Variants in DNM3 observed in about 807,000 individuals in gnomAD.
DNM3 encodes dynamin-3.
A neutral mutation model predicts 101.6 loss-of-function variants in DNM3; 47 were observed. The ratio of observed to expected loss-of-function variants is 0.46; its 90% CI spans 0.37 to 0.59. The LOEUF (loss-of-function observed/expected upper bound fraction) is 0.59, where lower values mean the gene tolerates loss of function less well. DNM3 is among the 20% of genes least tolerant of loss of function. DNM3 has a pLI of 0.00. For missense variants in DNM3, 849 were observed against 1,085.7 expected, an observed-to-expected ratio of 0.78 and a Z score of 3.06; for synonymous variants, 385 against 387.9, an observed-to-expected ratio of 0.99 and a Z score of 0.09.
downstream of DNM3, among the ~76,000 whole-genome samples, chr1:172,417,402 G>A (rs2071467398): frequency 6.6e-6 from 1 of 152,126 alleles, no homozygotes; most frequent in Non-Finnish European, 1.5e-5. Context: ...TCATCTCCCT[G>A]CTGAACACAA....
chr1:172,041,932 T>TAATC, intron 7 of DNM3, 77 bp from the exon 8 acceptor site: 1 of 1,466,198 alleles, frequency 6.8e-7, no homozygotes, highest in South Asian at 1.5e-5. Flanking sequence ...TTCTAAGGAA[T>TAATC]AATCATAGGA....
intron 1 of DNM3, among the ~76,000 whole-genome samples, chr1:171,863,343 G>A (rs2034379914): frequency 6.6e-6 from 1 of 152,036 alleles, no homozygotes; most frequent in African/African-American, 2.4e-5. Context: ...GATTTGGTGG[G>A]GAATGTAGGG....
At chr1:172,323,232 A>T in intron 16 of DNM3, 97 bp from the exon 17 acceptor site, 1 of 1,270,442 alleles carries the variant, frequency 7.9e-7, no homozygotes, top group Non-Finnish European at 1.1e-6. Flanking sequence ...TATTTTTTTT[A>T]ATATCCAGAG....
chr1:171,847,537 G>GAAA (rs11377124), intron 1 of DNM3, among the ~76,000 whole-genome samples: 2 of 150,572 alleles, frequency 1.3e-5, no homozygotes. Context: ...GAGCAGCAAG[G>GAAA]AAAAAAAAAG....
intron 14 of DNM3, chr1:172,139,147 T>C: frequency 3.2e-6 from 1 of 315,068 alleles, no homozygotes. Context: ...ATTAAAATTT[T>C]AAGGAAAAAA....
chr1:171,909,733 C>T (rs932896573), intron 1 of DNM3, among the ~76,000 whole-genome samples: 10 of 152,136 alleles, frequency 6.6e-5, no homozygotes, highest in Non-Finnish European at 1.3e-4. Context: ...ACACACTCAA[C>T]CATAGACTGT....
intron 14 of DNM3, among the ~76,000 whole-genome samples, chr1:172,236,092 T>G (rs1233614237): frequency 3.3e-5 from 5 of 152,164 alleles, no homozygotes; most frequent in Non-Finnish European, 1.5e-5. Flanking sequence ...CAATCAGTGC[T>G]CCACTCCAAA....
At chr1:172,167,309 C>T (rs1572802503) in intron 14 of DNM3, among the ~76,000 whole-genome samples, 1 of 152,008 alleles carries the variant, frequency 6.6e-6, no homozygotes, top group East Asian at 1.9e-4. Context: ...TTTCTTAATC[C>T]AGTCTATCAT....
intron 17 of DNM3, among the ~76,000 whole-genome samples, chr1:172,373,124 T>C (rs2068430819): frequency 6.6e-6 from 1 of 152,096 alleles, no homozygotes; most frequent in Admixed American, 6.6e-5. Context: ...AAAAACATAG[T>C]ACTCACTAAC....
chr1:172,126,446 T>C (rs1365916050), intron 13 of DNM3, among the ~76,000 whole-genome samples: 2 of 152,236 alleles, frequency 1.3e-5, no homozygotes, highest in East Asian at 1.9e-4. Context: ...TGTATGTCCA[T>C]TCTTTGAAAA....
intron 10 of DNM3, among the ~76,000 whole-genome samples, chr1:172,062,840 A>C (rs2051347506): frequency 6.6e-6 from 1 of 152,186 alleles, no homozygotes; most frequent in Non-Finnish European, 1.5e-5. Context: ...CTACAAATAC[A>C]TCTGTTTAAA....
chr1:171,875,400 A>G (rs1339171708), intron 1 of DNM3, among the ~76,000 whole-genome samples: 1 of 152,216 alleles, frequency 6.6e-6, no homozygotes, highest in East Asian at 1.9e-4. Flanking sequence ...TTAAAAAGCC[A>G]GTATTATTTC....
At chr1:171,920,546 C>G (rs1043509244) in intron 1 of DNM3, among the ~76,000 whole-genome samples, 3 of 152,132 alleles carry the variant, frequency 2.0e-5, no homozygotes, top group African/African-American at 7.2e-5. Context: ...GGCCTGGAAC[C>G]ACATTTTGAG....
chr1:171,930,372 T>C (rs972426600), intron 2 of DNM3, among the ~76,000 whole-genome samples: 1 of 152,134 alleles, frequency 6.6e-6, no homozygotes, highest in African/African-American at 2.4e-5. Context: ...GCCCCCTGGA[T>C]TCAGCCTCTT....
Position 172,078,599 on chromosome 1 carries a change from A to T in DNM3, c.1423-3233A>T, listed in dbSNP as rs138055956. Reference sequence around the variant, plus strand: ...TCAATTTGCCAGTCTGTATCTTTTAATTGGGGCATTTAGTCCATTTACAAT... The same window carrying T: ...TCAATTTGCCAGTCTGTATCTTTTATTTGGGGCATTTAGTCCATTTACAAT... On this transcript the variant is annotated intron_variant, in intron 11 of 20. Coordinates refer to ENST00000627582, the MANE Select transcript of DNM3 (RefSeq NM_015569.5). 5.1e-3 allele frequency among the ~76,000 whole-genome samples: 781 copies of T among 152,220 alleles called. 17 individuals carry two copies. Among genetic ancestry groups the T allele is most frequent in the African/African-American group, 0.017 (721 of 41,524 alleles).
intron 2 of DNM3, among the ~76,000 whole-genome samples, chr1:171,934,746 G>A (rs1275344400): frequency 6.6e-6 from 1 of 152,184 alleles, no homozygotes; most frequent in African/African-American, 2.4e-5. Context: ...TGTGGATACT[G>A]AGTGTCCAAT....
At chr1:172,027,136 A>G (rs1020373094) in intron 4 of DNM3, among the ~76,000 whole-genome samples, 1 of 152,230 alleles carries the variant, frequency 6.6e-6, no homozygotes, top group Non-Finnish European at 1.5e-5. Context: ...CAGCCACTGC[A>G]AAAACATACC....
chr1:171,902,407 G>T (rs1486232215), intron 1 of DNM3, among the ~76,000 whole-genome samples: 1 of 152,178 alleles, frequency 6.6e-6, no homozygotes, highest in East Asian at 1.9e-4. Context: ...TATTCAGGAA[G>T]GATAAGCCTT....
intron 2 of DNM3, among the ~76,000 whole-genome samples, chr1:171,957,476 G>A (rs929004179): frequency 1.3e-5 from 2 of 152,150 alleles, no homozygotes; most frequent in African/African-American, 4.8e-5. Flanking sequence ...GGGATTACAG[G>A]CGTGAGCCAC....
Sources: allele counts gnomAD v4.1 joint callset (sites outside exome capture counted in the v4.1 genomes callset), GRCh38; gene constraint gnomAD v4.1.1; transcripts MANE v1.5; gene names NCBI Gene and HGNC (gene_info 2026-07-23, HGNC 2026-07-21).